Variants in RAB2A observed in about 807,000 individuals in gnomAD.
RAB2A encodes the protein RAB2A, member RAS oncogene family.
RAB2A carries 7 observed loss-of-function variants against 32.5 expected under a neutral mutation model. The observed-to-expected ratio is 0.22, with a 90% CI of 0.12 to 0.40. RAB2A has a LOEUF of 0.40. Ranked by LOEUF, RAB2A falls within the 10% of genes least tolerant of loss-of-function variation. The pLI, the probability that RAB2A is intolerant of heterozygous loss-of-function variation, is 1.00. For synonymous variants in RAB2A, 79 were observed against 85.2 expected, an observed-to-expected ratio of 0.93 and a Z score of 0.40; for missense variants, 108 against 260.7, an observed-to-expected ratio of 0.41 and a Z score of 4.03.
At chr8:60,546,930 G>T in intron 1 of RAB2A, among the ~76,000 whole-genome samples, 1 of 144,456 alleles carries the variant, frequency 6.9e-6, no homozygotes, top group Non-Finnish European at 1.5e-5. Context: ...ATCATTCTTG[G>T]GTGTTTCTCG....
At chr8:60,592,610 G>A (rs979872636) in intron 6 of RAB2A, among the ~76,000 whole-genome samples, 4 of 152,018 alleles carry the variant, frequency 2.6e-5, no homozygotes, top group African/African-American at 9.7e-5. Flanking sequence ...TACAAAGCAT[G>A]AGAATTCTGT....
intron 6 of RAB2A, among the ~76,000 whole-genome samples, chr8:60,601,514 T>C (rs952856302): frequency 1.3e-5 from 2 of 152,206 alleles, no homozygotes; most frequent in Non-Finnish European, 2.9e-5. Context: ...ATTTTTGTAC[T>C]TCTAGTAGAA....
intron 1 of RAB2A, chr8:60,552,001 G>GTTTTTTTTTTTTTTTTTTTTT (rs78161048): frequency 2.6e-4 from 28 of 109,746 alleles, no homozygotes; most frequent in African/African-American, 9.1e-4. Flanking sequence ...GTAGCTGGGA[G>GTTTTTTTTTTTTTTTTTTTTT]TTTTTTTTTT....
chr8:60,612,852 G>A (rs1236106550), intron 6 of RAB2A, among the ~76,000 whole-genome samples: 1 of 152,206 alleles, frequency 6.6e-6, no homozygotes, highest in East Asian at 1.9e-4. Flanking sequence ...AAGAGGCAGA[G>A]GTTCTCCCTC....
rs1804545777 is a variant in RAB2A at position 60,622,565 on chromosome 8, T to A, written c.*1796T>A. The A allele has an allele frequency of 6.6e-6, 1 of 152,210 alleles. No homozygotes were observed. The highest frequency in any genetic ancestry group is 1.5e-5 in the Non-Finnish European group (1 of 68,032). 9.4% of individuals were successfully genotyped at this position (152,210 alleles called of 1,614,324 possible). A position where few individuals can be genotyped will look rare whatever the true frequency, so the allele number is the denominator to read the frequency against. ...TTAAGGCAACTAGGACAGGTACTGC[T>A]CTATACCAAGAAGAGAATGATTCTT... On this transcript the variant is annotated 3_prime_UTR_variant, in exon 8 of 8. Coordinates refer to ENST00000262646, the MANE Select transcript of RAB2A (RefSeq NM_002865.3).
At chr8:60,548,536 C>T (rs1310414287) in intron 1 of RAB2A, among the ~76,000 whole-genome samples, 18 of 112,680 alleles carry the variant, frequency 1.6e-4, no homozygotes, top group East Asian at 1.5e-3. Flanking sequence ...ACCTCCCTCC[C>T]GGACGGGGCG....
intron 1 of RAB2A, 105 bp downstream of exon 1, chr8:60,517,358 C>G (rs1263441016): frequency 1.6e-5 from 18 of 1,091,714 alleles, no homozygotes; most frequent in Non-Finnish European, 2.2e-5. Context: ...CACCCGGCGC[C>G]TCCCTCCTGG....
At chr8:60,602,852 A>G (rs1804157163) in intron 6 of RAB2A, among the ~76,000 whole-genome samples, 1 of 152,208 alleles carries the variant, frequency 6.6e-6, no homozygotes. Flanking sequence ...TTGCCTAACT[A>G]TGCCATCCTT....
chr8:60,544,819 T>TTGGTG (rs1324133673), intron 1 of RAB2A, among the ~76,000 whole-genome samples: 1 of 152,200 alleles, frequency 6.6e-6, no homozygotes, highest in Non-Finnish European at 1.5e-5. Context: ...GTAAAGCCTG[T>TTGGTG]TGTTTATTAA....
At chr8:60,559,160 A>G (rs1236019037) in intron 2 of RAB2A, 12 of 393,146 alleles carry the variant, frequency 3.1e-5, no homozygotes, top group East Asian at 1.8e-4. Flanking sequence ...TAAGATTTCA[A>G]TTGTAATTAG....
At chr8:60,547,224 G>C (rs1016662898) in intron 1 of RAB2A, among the ~76,000 whole-genome samples, 3 of 152,110 alleles carry the variant, frequency 2.0e-5, no homozygotes, top group African/African-American at 4.8e-5. Flanking sequence ...TAAGGTCACC[G>C]ATCAACAGGA....
Position 60,532,516 on chromosome 8 carries a change from A to AT in RAB2A, c.46+15273dup, listed in dbSNP as rs998923034. Among the ~76,000 whole-genome samples the AT allele has an allele frequency of 4.0e-3, 606 of 150,410 alleles. 4 individuals are homozygous for AT. The highest frequency in any genetic ancestry group is 0.014 in the African/African-American group (566 of 40,990). On this transcript the variant is annotated intron_variant, in intron 1 of 7. Coordinates refer to ENST00000262646, the MANE Select transcript of RAB2A (RefSeq NM_002865.3). ...TTCTACTGGTTTCATAGCTACGTGG[A>AT]TTTTTTTTTTCCAAGATGAAGTCTT...
At chr8:60,592,061 G>C in intron 6 of RAB2A, 92 bp downstream of exon 6, 1 of 733,018 alleles carries the variant, frequency 1.4e-6, no homozygotes, top group East Asian at 2.8e-5. Flanking sequence ...GTTTTTAGTC[G>C]GATGGTCTTT....
At chr8:60,528,480 T>A (rs1287770883) in intron 1 of RAB2A, among the ~76,000 whole-genome samples, 1 of 152,190 alleles carries the variant, frequency 6.6e-6, no homozygotes, top group East Asian at 1.9e-4. Flanking sequence ...TTTTTTGCCC[T>A]CTGTGTGTTC....
intron 1 of RAB2A, among the ~76,000 whole-genome samples, chr8:60,522,065 A>T (rs923635583): frequency 8.5e-5 from 13 of 152,214 alleles, no homozygotes; most frequent in Admixed American, 7.2e-4. Flanking sequence ...GAAAGCTTGG[A>T]TGTAATGGTG....
chr8:60,574,978 T>C (rs1230278228), intron 3 of RAB2A, among the ~76,000 whole-genome samples: 1 of 152,092 alleles, frequency 6.6e-6, no homozygotes, highest in Non-Finnish European at 1.5e-5. Context: ...CCAGACCCAA[T>C]GGCCTGTTCC....
Position 60,623,258 on chromosome 8 carries a change from G to T in RAB2A, c.*2489G>T. ...CAACTGCATACAATTTGTTTTTAATGATATTTTAAAATAGCCTGTTAGCAG... is the reference window on the plus strand; with the variant it reads ...CAACTGCATACAATTTGTTTTTAATTATATTTTAAAATAGCCTGTTAGCAG... On this transcript the variant is annotated 3_prime_UTR_variant, in exon 8 of 8. Transcript: ENST00000262646. 1 of 152,150 alleles carries T rather than the reference G, an allele frequency of 6.6e-6. No individual in the cohort carries two copies. The highest frequency in any genetic ancestry group is 1.9e-4 in the East Asian group (1 of 5,198). The allele number at this position is 152,150 out of a possible 1,614,324, so 9.4% of individuals were successfully genotyped here.
chr8:60,544,061 C>CAAAA (rs532347157), intron 1 of RAB2A, among the ~76,000 whole-genome samples: 1 of 93,754 alleles, frequency 1.1e-5, no homozygotes, highest in African/African-American at 3.8e-5. Flanking sequence ...GACTCCGTCT[C>CAAAA]AAAAAAAAAA....
intron 2 of RAB2A, among the ~76,000 whole-genome samples, chr8:60,561,080 A>G (rs1190732567): frequency 6.6e-6 from 1 of 152,174 alleles, no homozygotes; most frequent in Non-Finnish European, 1.5e-5. Context: ...GCAGGCCCAA[A>G]TGGTCTGGTT....
Sources: gnomAD v4.1 joint callset for allele counts (sites outside exome capture counted in the v4.1 genomes callset) on GRCh38, gnomAD v4.1.1 for gene constraint, MANE v1.5 for transcripts, NCBI Gene and HGNC (gene_info 2026-07-23, HGNC 2026-07-21) for gene names.